Variants in TRPM8 observed in about 807,000 individuals in gnomAD.
The protein encoded by TRPM8 is transient receptor potential cation channel subfamily M member 8.
TRPM8 carries 110 observed loss-of-function variants against 133.7 expected under a neutral mutation model. The ratio of observed to expected loss-of-function variants is 0.82; its 90% CI spans 0.70 to 0.96. The LOEUF is 0.96. TRPM8 is among the 40% of genes least tolerant of loss of function. The pLI is 0.00. For missense variants in TRPM8, 1,291 were observed against 1,379.5 expected (o/e 0.94, Z 1.02); for synonymous variants, 535 against 532.3 (o/e 1.01, Z -0.07).
In TRPM8 at chr2:233,960,757, C is replaced by G; in HGVS notation, c.1363-19C>G. On this transcript the variant is annotated intron_variant, in intron 11 of 25. Coordinates refer to ENST00000324695, the MANE Select transcript of TRPM8 (RefSeq NM_024080.5). ...ATTTTTATAGTATTGTTAGTACTGT[C>G]TCTGTTCTTTCTCCTTAGTCTGCTG... is the stretch of plus-strand genomic sequence containing the variant. 1 of 1,608,946 alleles carries G rather than the reference C, an allele frequency of 6.2e-7. No individual in the cohort carries two copies. The highest frequency in any genetic ancestry group is 8.5e-7 in the Non-Finnish European group (1 of 1,176,060).
At chr2:233,991,380 T>C (rs1431813978) in intron 21 of TRPM8, among the ~76,000 whole-genome samples, 1 of 152,182 alleles carries the variant, frequency 6.6e-6, no homozygotes, top group Non-Finnish European at 1.5e-5. Flanking sequence ...TACCTGCTTT[T>C]TTGATGTTGC....
rs1690838141 is a variant in TRPM8, at chr2:233,939,119, T to A, written c.470T>A (p.Leu157Gln). ...SVTGGAKNFALKPRMRKIFSR... is the reference protein window; with the variant it reads ...SVTGGAKNFAQKPRMRKIFSR... ...ACCGGGGGCGCCAAGAACTTCGCCC[T>A]GAAGCCGCGCATGCGCAAGATCTTC... Residue 157 changes from leucine (L) to glutamine (Q), a missense_variant, in exon 5 of 26, where the codon CTG becomes CAG. By Grantham distance (113) the Leu-to-Gln change is moderately radical. Transcript: ENST00000324695. 6.2e-7 allele frequency: 1 copy of A among 1,614,052 alleles called. No homozygotes were observed. Among genetic ancestry groups the A allele is most frequent in the Non-Finnish European group, 8.5e-7 (1 of 1,180,054 alleles).
intron 1 of TRPM8, among the ~76,000 whole-genome samples, chr2:233,923,082 G>C (rs940960467): frequency 6.6e-6 from 1 of 152,182 alleles, no homozygotes; most frequent in South Asian, 2.1e-4. Flanking sequence ...TGTTAACCAG[G>C]ATGGTCTCGA....
Position 234,018,320 on chromosome 2 carries a change from G to T in TRPM8, c.*1064G>T, listed in dbSNP as rs954871950. The T allele has an allele frequency of 6.6e-6, 1 of 151,980 alleles. No homozygotes were observed. The highest frequency in any genetic ancestry group is 6.6e-5 in the Admixed American group (1 of 15,262). 9.4% of individuals were successfully genotyped at this position (151,980 alleles called of 1,614,324 possible). A position where few individuals can be genotyped will look rare whatever the true frequency, so the allele number is the denominator to read the frequency against. On this transcript the variant is annotated 3_prime_UTR_variant, in exon 26 of 26. Transcript: ENST00000324695. Reference sequence around the variant, plus strand: ...GATTACCATAATTTTGCTCATTGAAGGCTATCTCCAGTTGATCATTGGGAT... The same window carrying T: ...GATTACCATAATTTTGCTCATTGAATGCTATCTCCAGTTGATCATTGGGAT...
At chr2:233,999,640 A>T (rs1692499699) in intron 22 of TRPM8, among the ~76,000 whole-genome samples, 1 of 152,048 alleles carries the variant, frequency 6.6e-6, no homozygotes. Flanking sequence ...GGAGCTTCTC[A>T]CTGCCCGTCC....
chr2:233,997,073 T>G (rs1050689399), intron 22 of TRPM8, among the ~76,000 whole-genome samples: 5 of 152,156 alleles, frequency 3.3e-5, no homozygotes, highest in African/African-American at 1.2e-4. Flanking sequence ...GTGACCAGCC[T>G]GGGCAACACG....
chr2:233,947,463 G>A (rs1381745520), intron 8 of TRPM8: 1 of 1,367,882 alleles, frequency 7.3e-7, no homozygotes, highest in Non-Finnish European at 9.7e-7. Flanking sequence ...ATATATATTA[G>A]AAAGCTATGG....
intron 3 of TRPM8, among the ~76,000 whole-genome samples, chr2:233,936,807 T>C (rs544805881): frequency 6.6e-6 from 1 of 152,100 alleles, no homozygotes; most frequent in South Asian, 2.1e-4. Context: ...CTTTGTTCTG[T>C]CCTATCAGCA....
chr2:233,973,209 C>T (rs1691776659), intron 17 of TRPM8, among the ~76,000 whole-genome samples: 1 of 152,212 alleles, frequency 6.6e-6, no homozygotes, highest in African/African-American at 2.4e-5. Context: ...CTGCCCAGGC[C>T]ATGCCCTCGG....
intron 3 of TRPM8, among the ~76,000 whole-genome samples, chr2:233,931,831 T>C (rs1230780651): frequency 6.6e-6 from 1 of 152,248 alleles, no homozygotes; most frequent in Non-Finnish European, 1.5e-5. Context: ...ATTTATCCCC[T>C]GTATGTTTCA....
chr2:233,974,869 CAGAGAG>C (rs368803601), intron 17 of TRPM8, among the ~76,000 whole-genome samples: 1 of 149,308 alleles, frequency 6.7e-6, no homozygotes, highest in African/African-American at 2.5e-5. Flanking sequence ...CACAAATTAG[CAGAGAG>C]AGAGAGAGAG....
chr2:233,978,932 T>G (rs1691938599), intron 17 of TRPM8, among the ~76,000 whole-genome samples: 1 of 152,174 alleles, frequency 6.6e-6, no homozygotes, highest in Non-Finnish European at 1.5e-5. Context: ...ATTAATGATG[T>G]GTCTTGAATC....
At chr2:233,947,415 T>C (rs1354557273) in intron 8 of TRPM8, 7 of 1,475,802 alleles carry the variant, frequency 4.7e-6, no homozygotes, top group African/African-American at 4.2e-5. Flanking sequence ...AAGAGAAGAG[T>C]TGACATTAAT....
Position 233,985,832 on chromosome 2 carries a change from T to A in TRPM8, c.2906T>A (p.Ile969Asn). The A allele has an allele frequency of 1.2e-6, 2 of 1,614,130 alleles. No homozygotes were observed. The highest frequency in any genetic ancestry group is 1.7e-6 in the Non-Finnish European group (2 of 1,179,998). ...LVCIYMLSTN[I>N]LLVNLLVAMF... The stretch of plus-strand genomic sequence containing the variant: ...TGCATCTACATGTTATCCACCAACA[T>A]CCTGCTGGTCAACCTGCTGGTCGCC... The change falls in exon 21 of 26, where the codon ATC becomes AAC. Residue 969 changes from isoleucine to asparagine, a missense_variant. Ile to Asn is a moderately radical substitution (Grantham distance 149). This residue lies in a region of TRPM8 where 328 missense variants were observed against 410.6 expected (regional missense o/e 0.80). Coordinates refer to ENST00000324695, the MANE Select transcript of TRPM8 (RefSeq NM_024080.5).
At chr2:233,940,695 G>GA (rs35282569) in intron 5 of TRPM8, among the ~76,000 whole-genome samples, 6,448 of 152,284 alleles carry the variant, frequency 0.042, 172 homozygotes, top group Admixed American at 0.075. Context: ...AAGTAGATAT[G>GA]AAGCCATACC....
intron 22 of TRPM8, among the ~76,000 whole-genome samples, chr2:233,999,355 C>G (rs1692490904): frequency 6.6e-6 from 1 of 151,108 alleles, no homozygotes; most frequent in African/African-American, 2.5e-5. Flanking sequence ...TACTGCAAGG[C>G]CCCTGAGGCT....
Position 233,942,844 on chromosome 2 carries a change from A to G in TRPM8, c.699+96A>G, listed in dbSNP as rs113190068. On this transcript the variant is annotated intron_variant, in intron 6 of 25. Transcript: ENST00000324695. ...AACCCTGGGGCTCTGTGATGGAGCC[A>G]GCCAGATCATGGGGAAGTCTGCCTT... The G allele has an allele frequency of 8.3e-4, 1,201 of 1,453,408 alleles. 12 individuals are homozygous for G. The African/African-American group carries it at 0.015, about 19-fold the overall frequency. The allele number at this position is 1,453,408 out of a possible 1,614,324, so 90.0% of individuals were successfully genotyped here.
intron 22 of TRPM8, among the ~76,000 whole-genome samples, chr2:233,999,929 C>T (rs894013411): frequency 3.3e-5 from 5 of 152,156 alleles, no homozygotes; most frequent in African/African-American, 4.8e-5. Flanking sequence ...GAAAGAGCCT[C>T]TTTAGCATAC....
At chr2:233,971,748 T>C (rs1008779506) in intron 17 of TRPM8, among the ~76,000 whole-genome samples, 4 of 151,880 alleles carry the variant, frequency 2.6e-5, no homozygotes, top group East Asian at 1.9e-4. Flanking sequence ...TTGCGGTGAG[T>C]GTTACAGCTC....
Sources: allele counts gnomAD v4.1 joint callset (sites outside exome capture counted in the v4.1 genomes callset), GRCh38; gene constraint gnomAD v4.1.1; regional missense constraint gnomAD v4.1.1; transcripts MANE v1.5; gene names NCBI Gene and HGNC (gene_info 2026-07-23, HGNC 2026-07-21).